ADGRL3: variants seen among roughly 807,000 people sequenced by gnomAD.
ADGRL3 encodes the protein adhesion G protein-coupled receptor L3, also known as calcium-independent alpha-latrotoxin receptor 3.
Under a neutral mutation model 153.5 loss-of-function variants are expected in ADGRL3, and 62 were observed. That is an observed-to-expected ratio of 0.40 (90% CI 0.33 to 0.50). The LOEUF is 0.50. Among genes scored for constraint, ADGRL3 ranks in the 20% least tolerant of loss-of-function variants. The pLI is 0.47. For synonymous variants in ADGRL3, 710 were observed against 672.5 expected (o/e 1.06, Z -0.86); for missense variants, 1,641 against 1,859.4 (o/e 0.88, Z 2.16).
intron 25 of ADGRL3, among the ~76,000 whole-genome samples, chr4:62,066,120 G>A (rs1332230013): frequency 1.1e-4 from 16 of 152,024 alleles, no homozygotes; most frequent in Admixed American, 1.1e-3. Context: ...CTATGGTAGT[G>A]CTTAAAATAA....
intron 1 of ADGRL3, among the ~76,000 whole-genome samples, chr4:61,295,850 A>G (rs1241321471): frequency 1.3e-5 from 2 of 151,784 alleles, no homozygotes; most frequent in Non-Finnish European, 2.9e-5. Flanking sequence ...GCATGTGCCT[A>G]TTGTCCTAGC....
intron 8 of ADGRL3, among the ~76,000 whole-genome samples, chr4:61,802,994 G>A (rs946872032): frequency 3.3e-5 from 5 of 152,032 alleles, no homozygotes; most frequent in African/African-American, 1.2e-4. Flanking sequence ...AAGAAAATGA[G>A]ACTATAATAT....
chr4:61,320,560 G>C (rs936882016), intron 1 of ADGRL3, among the ~76,000 whole-genome samples: 2 of 152,128 alleles, frequency 1.3e-5, no homozygotes, highest in African/African-American at 2.4e-5. Context: ...TTGCAGCTTG[G>C]AGGCAGAATT....
intron 6 of ADGRL3, among the ~76,000 whole-genome samples, chr4:61,695,678 A>C (rs1157524443): frequency 6.6e-6 from 1 of 152,122 alleles, no homozygotes; most frequent in Non-Finnish European, 1.5e-5. Context: ...GCCAGACCTG[A>C]TCATCTCCTC....
In ADGRL3 at chr4:61,540,254, T is replaced by TA. The variant is rs529869219; in HGVS notation, c.259+22737dup. Among the ~76,000 whole-genome samples the TA allele has an allele frequency of 2.8e-3, 432 of 152,230 alleles. 1 individual carries two copies. The highest frequency in any genetic ancestry group is 9.9e-3 in the African/African-American group (410 of 41,552). ...TTTTAAACCCCAATACTGAGTTAAA[T>TA]ACAGTGGAAATCTGCCAGGCGTGGT... On this transcript the variant is annotated intron_variant, in intron 4 of 26. Transcript: ENST00000683033.
chr4:61,645,925 A>G (rs1481958267), intron 5 of ADGRL3, among the ~76,000 whole-genome samples: 2 of 152,172 alleles, frequency 1.3e-5, no homozygotes, highest in African/African-American at 2.4e-5. Context: ...AGGTACACCA[A>G]TCAGACATGG....
Position 61,951,186 on chromosome 4 carries a change from CA to C in ADGRL3, c.2805+2912del, listed in dbSNP as rs1390317325. The stretch of plus-strand genomic sequence containing the variant: ...AATATCCTACATGTCTAAATATTTA[CA>C]AGTAATACTTAAAGCTGAGAAAAAT... On this transcript the variant is annotated intron_variant, in intron 17 of 26. Coordinates refer to ENST00000683033, the MANE Select transcript of ADGRL3 (RefSeq NM_001387552.1). Among the ~76,000 whole-genome samples, 3 of 152,124 alleles carry C rather than the reference CA, an allele frequency of 2.0e-5. No individual in the cohort carries two copies. The East Asian group carries it at 5.8e-4, about 29-fold the overall frequency.
rs537915553 is a variant in ADGRL3 at position 61,855,875 on chromosome 4, A to G, written c.1481-36781A>G. On this transcript the variant is annotated intron_variant, in intron 9 of 26. Coordinates refer to ENST00000683033, the MANE Select transcript of ADGRL3 (RefSeq NM_001387552.1). Reference sequence around the variant, plus strand: ...GATGTTACAGTAGAAGGCAATGGGTATATAATTAAAAGAGCAATTAAGTAA... The same window carrying G: ...GATGTTACAGTAGAAGGCAATGGGTGTATAATTAAAAGAGCAATTAAGTAA... Among the ~76,000 whole-genome samples the G allele has an allele frequency of 2.4e-4, 36 of 152,284 alleles. 2 individuals are homozygous for G. In the South Asian group the frequency reaches 7.5e-3, roughly 32 times the overall value.
chr4:61,892,712 C>A lies in ADGRL3; in HGVS notation c.1537C>A (p.Arg513=). 1 of 1,613,940 alleles carries A rather than the reference C, an allele frequency of 6.2e-7. No homozygotes were observed. ...AAGCACTACCACCAGTACCACCCTT[C>A]GGACCACAACTTTGAGCCCAGGAAG... The part of the protein sequence containing the change: ...MGSTTTSTTL[R]TTTLSPGRST... Residue 513 remains arginine (R), a synonymous_variant, in exon 10 of 27, where the codon CGG becomes AGG. Transcript: ENST00000683033.
intron 8 of ADGRL3, among the ~76,000 whole-genome samples, chr4:61,805,865 T>C (rs999469673): frequency 6.6e-6 from 1 of 152,160 alleles, no homozygotes; most frequent in African/African-American, 2.4e-5. Context: ...TTTTAAGAAC[T>C]CCATGAATGT....
chr4:61,311,054 A>G (rs901647278), intron 1 of ADGRL3, among the ~76,000 whole-genome samples: 1 of 152,120 alleles, frequency 6.6e-6, no homozygotes, highest in Non-Finnish European at 1.5e-5. Flanking sequence ...GGAAAAAAAA[A>G]AATCTAATGT....
chr4:61,812,509 A>T (rs1323772062), intron 8 of ADGRL3, among the ~76,000 whole-genome samples: 1 of 152,166 alleles, frequency 6.6e-6, no homozygotes, highest in Non-Finnish European at 1.5e-5. Context: ...GAGATTAACA[A>T]CCCTGTAAAT....
chr4:61,810,372 G>T (rs1372293055), intron 8 of ADGRL3, among the ~76,000 whole-genome samples: 1 of 152,220 alleles, frequency 6.6e-6, no homozygotes, highest in East Asian at 1.9e-4. Flanking sequence ...AACTTCTCAA[G>T]ATGTCAGTTT....
chr4:61,344,024 T>C (rs2095854205), intron 1 of ADGRL3, among the ~76,000 whole-genome samples: 1 of 152,218 alleles, frequency 6.6e-6, no homozygotes, highest in Admixed American at 6.5e-5. Flanking sequence ...TTATGCAGCA[T>C]ATCACCCACA....
intron 17 of ADGRL3, among the ~76,000 whole-genome samples, chr4:61,972,671 G>A (rs1470796233): frequency 7.9e-5 from 12 of 152,092 alleles, no homozygotes; most frequent in Admixed American, 7.9e-4. Context: ...GAACTTTAAA[G>A]TAGTTTTTTC....
chr4:61,779,581 C>G (rs147290318), intron 8 of ADGRL3, among the ~76,000 whole-genome samples: 1 of 137,206 alleles, frequency 7.3e-6, no homozygotes, highest in Non-Finnish European at 1.5e-5. Context: ...TACAGTGAGC[C>G]GAGATCCAGC....
chr4:61,563,738 G>C (rs926333601), intron 4 of ADGRL3, among the ~76,000 whole-genome samples: 2 of 152,096 alleles, frequency 1.3e-5, no homozygotes, highest in Non-Finnish European at 2.9e-5. Context: ...GGCCAGGCAC[G>C]GTGGCTCACG....
chr4:61,318,714 C>G (rs2095289882), intron 1 of ADGRL3, among the ~76,000 whole-genome samples: 1 of 152,110 alleles, frequency 6.6e-6, no homozygotes, highest in Admixed American at 6.6e-5. Flanking sequence ...TCTGCACCAC[C>G]CTAGTACACT....
intron 1 of ADGRL3, among the ~76,000 whole-genome samples, chr4:61,254,848 CA>C (rs1394110935): frequency 6.6e-6 from 1 of 152,168 alleles, no homozygotes; most frequent in Non-Finnish European, 1.5e-5. Flanking sequence ...TGGATCACCT[CA>C]GAACCTTTTA....
Sources: gnomAD v4.1 joint callset for allele counts (sites outside exome capture counted in the v4.1 genomes callset) on GRCh38, gnomAD v4.1.1 for gene constraint, MANE v1.5 for transcripts, NCBI Gene and HGNC (gene_info 2026-07-23, HGNC 2026-07-21) for gene names.